Variants in PTTG1IP observed in about 807,000 individuals in gnomAD.
The protein encoded by PTTG1IP is pituitary tumor-transforming gene 1 protein-interacting protein.
PTTG1IP carries 16 observed loss-of-function variants against 24.4 expected under a neutral mutation model. The observed-to-expected ratio is 0.66, with a 90% CI of 0.44 to 1.00. PTTG1IP has a LOEUF of 1.00. PTTG1IP is among the 50% of genes least tolerant of loss of function. The pLI is 0.00. For missense variants in PTTG1IP, 241 were observed against 245.8 expected, an observed-to-expected ratio of 0.98 and a Z score of 0.13; for synonymous variants, 89 against 96.8, an observed-to-expected ratio of 0.92 and a Z score of 0.47.
At chr21:44,868,146 A>T (rs147555498) in intron 1 of PTTG1IP, among the ~76,000 whole-genome samples, 2 of 152,176 alleles carry the variant, frequency 1.3e-5, no homozygotes, top group African/African-American at 4.8e-5. Context: ...GAAAAGCCTT[A>T]ATTTCTTAAA....
At chr21:44,860,375 G>A (rs551911513) in intron 3 of PTTG1IP, among the ~76,000 whole-genome samples, 1 of 151,734 alleles carries the variant, frequency 6.6e-6, no homozygotes, top group African/African-American at 2.4e-5. Context: ...ATAAATAAAG[G>A]CAAACTAGAA....
intron 5 of PTTG1IP, among the ~76,000 whole-genome samples, chr21:44,852,813 C>T (rs1601241358): frequency 6.6e-6 from 1 of 152,174 alleles, no homozygotes; most frequent in East Asian, 1.9e-4. Context: ...TGCGTGCGTG[C>T]TGGTATTTTA....
intron 2 of PTTG1IP, chr21:44,862,047 C>A: frequency 1.7e-6 from 1 of 580,992 alleles, no homozygotes; most frequent in Non-Finnish European, 3.1e-6. Flanking sequence ...AGGTGTGAGG[C>A]CGCAGTGGTG....
intron 2 of PTTG1IP, among the ~76,000 whole-genome samples, chr21:44,863,581 G>A (rs1225773738): frequency 6.6e-6 from 1 of 152,184 alleles, no homozygotes; most frequent in Admixed American, 6.5e-5. Context: ...ACCACACCCT[G>A]CCCAGGGTGG....
intron 3 of PTTG1IP, among the ~76,000 whole-genome samples, chr21:44,858,077 T>C (rs767048405): frequency 8.5e-5 from 13 of 152,206 alleles, no homozygotes; most frequent in Non-Finnish European, 1.5e-4. Context: ...TGGGCTCCTT[T>C]TGCTGATTCC....
At chr21:44,869,970 C>T (rs2083570973) in intron 1 of PTTG1IP, among the ~76,000 whole-genome samples, 1 of 152,198 alleles carries the variant, frequency 6.6e-6, no homozygotes, top group South Asian at 2.1e-4. Flanking sequence ...AAAACACACA[C>T]CGTCAACTCC....
chr21:44,870,328 G>A (rs547529603), intron 1 of PTTG1IP, among the ~76,000 whole-genome samples: 1 of 152,228 alleles, frequency 6.6e-6, no homozygotes, highest in South Asian at 2.1e-4. Context: ...ATCACCTGAG[G>A]TCAGGAGTTC....
At chr21:44,855,135 C>G (rs1385928748) in intron 5 of PTTG1IP, 75 bp downstream of exon 5, 1 of 1,459,642 alleles carries the variant, frequency 6.9e-7, no homozygotes, top group African/African-American at 1.4e-5. Flanking sequence ...TCAGGCCACA[C>G]TGGCACTAAC....
At chr21:44,855,420 C>A (rs904472380) in intron 4 of PTTG1IP, among the ~76,000 whole-genome samples, 164 bp from the exon 5 acceptor site, 3 of 152,136 alleles carry the variant, frequency 2.0e-5, no homozygotes, top group African/African-American at 7.2e-5. Flanking sequence ...GGTCATCAGG[C>A]CACATACCCA....
rs763445809 is a variant in PTTG1IP, at chr21:44,861,240, A to G, written c.200T>C (p.Leu67Pro). 3 of 1,613,990 alleles carry G rather than the reference A, an allele frequency of 1.9e-6. No individual in the cohort carries two copies. Among genetic ancestry groups the G allele is most frequent in the Admixed American group, 3.3e-5 (2 of 60,014 alleles). The change falls in exon 3 of 6, where the codon CTG (leucine) becomes CCG (proline). Residue 67 changes from leucine (L) to proline (P), a missense_variant. Leu to Pro is a moderately conservative substitution (Grantham distance 98, BLOSUM62 -3). Transcript: ENST00000330938. ...CAAGACGCTTGTAACTGGGTAGTCC[A>G]GACAAGCCTTGTTAGTGTTGCACCA... ...CLWCNTNKAC[L>P]DYPVTSVLPP...
chr21:44,861,756 C>T (rs2083493986), intron 2 of PTTG1IP: 1 of 717,470 alleles, frequency 1.4e-6, no homozygotes, highest in East Asian at 2.7e-5. Flanking sequence ...CCGTAGACCT[C>T]TCCTCCCCAC....
intron 5 of PTTG1IP, among the ~76,000 whole-genome samples, chr21:44,852,639 C>T (rs1054672040): frequency 1.3e-5 from 2 of 152,106 alleles, no homozygotes; most frequent in African/African-American, 4.8e-5. Flanking sequence ...TCTTGCCTGT[C>T]AAGGAGGGCC....
At chr21:44,865,138 A>G (rs1345625102) in intron 2 of PTTG1IP, among the ~76,000 whole-genome samples, 1 of 152,258 alleles carries the variant, frequency 6.6e-6, no homozygotes, top group Admixed American at 6.5e-5. Context: ...CTGGCCACGC[A>G]GTGCTGGCCC....
intron 1 of PTTG1IP, among the ~76,000 whole-genome samples, chr21:44,868,979 G>A (rs1332077364): frequency 2.0e-5 from 3 of 152,234 alleles, no homozygotes; most frequent in African/African-American, 4.8e-5. Flanking sequence ...ACAACATGAT[G>A]ATGGGACAAA....
At chr21:44,853,462 C>G (rs1303819679) in intron 5 of PTTG1IP, among the ~76,000 whole-genome samples, 2 of 149,022 alleles carry the variant, frequency 1.3e-5, no homozygotes, top group African/African-American at 5.0e-5. Flanking sequence ...GAGCTGACAT[C>G]GCGCCACTGC....
chr21:44,858,700 A>T (rs909866899), intron 3 of PTTG1IP, among the ~76,000 whole-genome samples: 11 of 152,204 alleles, frequency 7.2e-5, no homozygotes, highest in African/African-American at 2.6e-4. Flanking sequence ...GTGTCCATCC[A>T]CTTCTGCAGC....
In PTTG1IP at chr21:44,873,684, C is replaced by T. The variant is rs1421369442; in HGVS notation, c.-68G>A. ...CGACTCCAGCACAAGCGGTCTCCGC[C>T]CGGAACAGCCGCGGCGCCGGAAGTG... On this transcript the variant is annotated 5_prime_UTR_variant, in exon 1 of 6. Transcript: ENST00000330938. 2.3e-6 allele frequency: 3 copies of T among 1,285,530 alleles called. No individual in the cohort carries two copies. The highest frequency in any genetic ancestry group is 1.6e-5 in the African/African-American group (1 of 64,432). The allele number at this position is 1,285,530 out of a possible 1,614,324, so 79.6% of individuals were successfully genotyped here.
intron 1 of PTTG1IP, among the ~76,000 whole-genome samples, chr21:44,867,329 G>A (rs1456096143): frequency 6.6e-6 from 1 of 151,988 alleles, no homozygotes; most frequent in African/African-American, 2.4e-5. Context: ...AGCGAAAGAC[G>A]CCTTCCACAA....
chr21:44,860,296 G>A (rs541954258), intron 3 of PTTG1IP, among the ~76,000 whole-genome samples: 12 of 152,294 alleles, frequency 7.9e-5, no homozygotes, highest in African/African-American at 2.6e-4. Flanking sequence ...GTGAACCTGG[G>A]AGGCGGAGCT....
Sources: gnomAD v4.1 joint callset for allele counts (sites outside exome capture counted in the v4.1 genomes callset) on GRCh38, gnomAD v4.1.1 for gene constraint, MANE v1.5 for transcripts, NCBI Gene and HGNC (gene_info 2026-07-23, HGNC 2026-07-21) for gene names.